PTPRG: variants seen among roughly 807,000 people sequenced by gnomAD.
The protein encoded by PTPRG is protein tyrosine phosphatase receptor type G.
In PTPRG, 102 loss-of-function variants were observed where a neutral mutation model predicts 165.3. The ratio of observed to expected loss-of-function variants is 0.62; its 90% confidence interval spans 0.53 to 0.73. PTPRG has a LOEUF of 0.73. Among genes scored for constraint, PTPRG ranks in the 30% least tolerant of loss-of-function variants. The pLI is 0.00. For synonymous variants in PTPRG, 675 were observed against 669.5 expected (o/e 1.01, Z -0.13); for missense variants, 1,866 against 1,861.4 (o/e 1.00, Z -0.05).
chr3:62,292,022 TAAA>T (rs1012148550), intron 28 of PTPRG, among the ~76,000 whole-genome samples: 11 of 151,756 alleles, frequency 7.2e-5, no homozygotes, highest in African/African-American at 2.7e-4. Context: ...TTGGAATTGT[TAAA>T]AAAAAATTCA....
intron 4 of PTPRG, among the ~76,000 whole-genome samples, chr3:62,031,653 G>C (rs1305384283): frequency 6.6e-6 from 1 of 152,130 alleles, no homozygotes; most frequent in Non-Finnish European, 1.5e-5. Flanking sequence ...ACCTTGGGAG[G>C]CTCTTAAAGT....
intron 14 of PTPRG, among the ~76,000 whole-genome samples, chr3:62,238,162 A>G (rs573190494): frequency 6.6e-6 from 1 of 152,318 alleles, no homozygotes; most frequent in East Asian, 1.9e-4. Flanking sequence ...GGATATGAGA[A>G]ATGGGACCAA....
intron 1 of PTPRG, among the ~76,000 whole-genome samples, chr3:61,744,319 A>G (rs1214358415): frequency 6.6e-6 from 1 of 152,224 alleles, no homozygotes; most frequent in African/African-American, 2.4e-5. Context: ...AGTAATAATG[A>G]TAATTAGTCC....
intron 6 of PTPRG, among the ~76,000 whole-genome samples, chr3:62,143,282 G>A (rs1015063267): frequency 1.1e-4 from 16 of 152,178 alleles, no homozygotes; most frequent in Non-Finnish European, 2.2e-4. Context: ...AATATCTTTT[G>A]TGGACTTTGG....
intron 4 of PTPRG, among the ~76,000 whole-genome samples, chr3:62,038,630 A>T (rs1287321258): frequency 3.3e-5 from 5 of 152,150 alleles, no homozygotes; most frequent in African/African-American, 9.7e-5. Context: ...TCCTGGGCTG[A>T]AGTAATCTTC....
At position 62,214,664 on chromosome 3, in the gene PTPRG, ATAG is replaced by A. The variant is rs1157951438; in HGVS notation, c.2156-4185_2156-4183del. Among the ~76,000 whole-genome samples the A allele has an allele frequency of 1.3e-5, 2 of 152,158 alleles. No individual in the cohort carries two copies. Among genetic ancestry groups the A allele is most frequent in the Admixed American group, 6.5e-5 (1 of 15,282 alleles). On this transcript the variant is annotated intron_variant, in intron 12 of 29. Transcript: ENST00000474889. This position sits in a 1 kb window ranked among gnomAD's most constrained non-coding sequence, Gnocchi z 5.2. ...GCAGTAAGAGCAACACAAGATGATGATAGTGGTGGTGGTACTTGTCATTTGCTT... is the reference window on the plus strand; with the variant it reads ...GCAGTAAGAGCAACACAAGATGATGATGGTGGTGGTACTTGTCATTTGCTT...
chr3:61,676,285 G>A lies in PTPRG; in HGVS notation c.86-72593G>A, dbSNP rs767746084. 4.8e-4 allele frequency among the ~76,000 whole-genome samples: 72 copies of A among 151,000 alleles called. 1 individual carries two copies. Among genetic ancestry groups the A allele is most frequent in the East Asian group, 7.8e-4 (4 of 5,110 alleles). Reference sequence around the variant, plus strand: ...ATCCTGGCTAACACGGTGAAACCCCGTCTCTACTAAAAATACAAAATATTA... The same window carrying A: ...ATCCTGGCTAACACGGTGAAACCCCATCTCTACTAAAAATACAAAATATTA... On this transcript the variant is annotated intron_variant, in intron 1 of 29. Transcript: ENST00000474889.
chr3:61,587,549 A>G (rs1397111291), intron 1 of PTPRG, among the ~76,000 whole-genome samples: 3 of 152,238 alleles, frequency 2.0e-5, no homozygotes, highest in African/African-American at 7.2e-5. Context: ...AAACCAACTC[A>G]GATACATTCT....
chr3:61,792,782 G>A (rs2034926774), intron 2 of PTPRG, among the ~76,000 whole-genome samples: 1 of 151,252 alleles, frequency 6.6e-6, no homozygotes, highest in Admixed American at 6.6e-5. Context: ...AGGCTGGAGT[G>A]CAGTGGCGTG....
chr3:62,171,025 G>A (rs1705194798), intron 8 of PTPRG, among the ~76,000 whole-genome samples: 1 of 152,118 alleles, frequency 6.6e-6, no homozygotes, highest in Admixed American at 6.5e-5. Flanking sequence ...GAATCATTCA[G>A]TATGTCCTCT....
chr3:61,632,197 A>G (rs1461741344), intron 1 of PTPRG, among the ~76,000 whole-genome samples: 2 of 151,962 alleles, frequency 1.3e-5, no homozygotes, highest in African/African-American at 4.8e-5. Flanking sequence ...AGTCCTAGCT[A>G]CTTTGCAGGC....
Position 62,138,014 on chromosome 3 carries a change from C to T in PTPRG, c.682+5346C>T, listed in dbSNP as rs560471063. ...ATGATTGCTCTCAATTGGTCATTGT[C>T]AACTTATGCTTCTCATCTTCAAGGC... On this transcript the variant is annotated intron_variant, in intron 6 of 29. Transcript: ENST00000474889. 5.9e-4 allele frequency among the ~76,000 whole-genome samples: 90 copies of T among 152,292 alleles called. 2 individuals are homozygous for T. In the South Asian group the frequency reaches 0.018, roughly 30 times the overall value.
intron 6 of PTPRG, among the ~76,000 whole-genome samples, chr3:62,149,478 A>G (rs1324981159): frequency 1.3e-5 from 2 of 152,126 alleles, no homozygotes; most frequent in Non-Finnish European, 2.9e-5. Context: ...CAAGTTGGCC[A>G]GGTGGTTTCA....
intron 5 of PTPRG, among the ~76,000 whole-genome samples, chr3:62,115,018 G>C (rs1702810091): frequency 1.3e-5 from 2 of 152,188 alleles, no homozygotes; most frequent in Admixed American, 1.3e-4. Context: ...TACTGACACT[G>C]TTTTGCTAAA....
chr3:61,582,128 C>T (rs891965775), intron 1 of PTPRG, among the ~76,000 whole-genome samples: 57 of 151,798 alleles, frequency 3.8e-4, no homozygotes, highest in African/African-American at 1.2e-3. Context: ...CCACCATGCC[C>T]GGCTGATTTC....
At chr3:61,845,332 T>C (rs1412798761) in intron 2 of PTPRG, among the ~76,000 whole-genome samples, 1 of 152,210 alleles carries the variant, frequency 6.6e-6, no homozygotes, top group East Asian at 1.9e-4. Context: ...TTTTAGGTTA[T>C]AGATGAGGAC....
rs200104043 is a variant in PTPRG at position 61,657,494 on chromosome 3, G to A, written c.86-91384G>A. Among the ~76,000 whole-genome samples the A allele has an allele frequency of 3.3e-5, 5 of 152,156 alleles. No individual in the cohort carries two copies. In the East Asian group the frequency reaches 9.6e-4, roughly 29 times the overall value. On this transcript the variant is annotated intron_variant, in intron 1 of 29. Coordinates refer to ENST00000474889, the MANE Select transcript of PTPRG (RefSeq NM_002841.4). ...TACACAAAATAAAATAAAAAAATAA[G>A]CTGGGCATGATGGTGAGCTCCTGTA... is the stretch of plus-strand genomic sequence containing the variant.
intron 5 of PTPRG, among the ~76,000 whole-genome samples, chr3:62,104,584 G>A (rs781633265): frequency 3.3e-5 from 5 of 152,178 alleles, no homozygotes; most frequent in East Asian, 1.9e-4. Context: ...AGGCTATTTC[G>A]TAGCAATTTC....
At position 62,237,598 on chromosome 3, in the gene PTPRG, A is replaced by G. The variant is rs1271095182; in HGVS notation, c.2376-6209A>G. 6.6e-6 allele frequency among the ~76,000 whole-genome samples: 1 copy of G among 152,212 alleles called. No individual in the cohort carries two copies. Among genetic ancestry groups the G allele is most frequent in the South Asian group, 2.1e-4 (1 of 4,836 alleles). On this transcript the variant is annotated intron_variant, in intron 14 of 29. Transcript: ENST00000474889. This position sits in a 1 kb window ranked among gnomAD's most constrained non-coding sequence, Gnocchi z 4.5. The stretch of plus-strand genomic sequence containing the variant: ...TTTCCCAAGAGTAGACTTTATTTTT[A>G]AAGAGGTCTTTATCCTTAAAATATC...
Sources: allele counts gnomAD v4.1 joint callset (sites outside exome capture counted in the v4.1 genomes callset), GRCh38; gene constraint gnomAD v4.1.1; non-coding constraint Gnocchi (gnomAD v3.1); transcripts MANE v1.5; gene names NCBI Gene and HGNC (gene_info 2026-07-23, HGNC 2026-07-21).